CACNA1H: variants seen among roughly 807,000 people sequenced by gnomAD.
CACNA1H encodes calcium voltage-gated channel subunit alpha1 H.
Under a neutral mutation model 192.5 loss-of-function variants are expected in CACNA1H, and 149 were observed. That is an observed-to-expected ratio of 0.77 (90% CI 0.68 to 0.89). The LOEUF (loss-of-function observed/expected upper bound fraction) is 0.89. CACNA1H is among the 40% of genes least tolerant of loss of function. The probability of loss-of-function intolerance (pLI) is 0.00; values close to 1 mark genes in which losing one functional copy is unlikely to be tolerated. For synonymous variants in CACNA1H, 2,202 were observed against 1,475.2 expected, an observed-to-expected ratio of 1.49 and a Z score of -11.29; for missense variants, 4,257 against 3,423.5, an observed-to-expected ratio of 1.24 and a Z score of -6.08.
intron 34 of CACNA1H, 66 bp from the exon 35 acceptor site, chr16:1,219,915 G>A (rs549927649): frequency 6.6e-6 from 8 of 1,210,748 alleles, no homozygotes; most frequent in East Asian, 3.2e-5. Context: ...AGGGGTCTCC[G>A]AGCCCTGGCC....
chr16:1,209,205 T>A lies in CACNA1H; in HGVS notation c.3537T>A (p.Ala1179=), dbSNP rs984312613. Residue 1179 remains alanine (A), a synonymous_variant, in exon 17 of 35, where the codon GCT becomes GCA. Transcript: ENST00000348261. ...GEGKGSTDDE[A]EDGRAAPGPR... is the part of the protein sequence containing the mutation. Reference sequence around the variant, plus strand: ...GCAAGGGCAGCACCGACGACGAAGCTGAGGACGGCAGGGCCGCGCCCGGGC... The same window carrying A: ...GCAAGGGCAGCACCGACGACGAAGCAGAGGACGGCAGGGCCGCGCCCGGGC... 6.4e-7 allele frequency: 1 copy of A among 1,550,950 alleles called. No homozygotes were observed. Among genetic ancestry groups the A allele is most frequent in the Non-Finnish European group, 8.7e-7 (1 of 1,148,712 alleles).
chr16:1,219,189 G>T lies in CACNA1H; in HGVS notation c.6048+59G>T, dbSNP rs1170756676. 4.2e-6 allele frequency: 6 copies of T among 1,435,900 alleles called. No individual in the cohort carries two copies. The South Asian group carries it at 5.6e-5, about 13-fold the overall frequency. The allele number at this position is 1,435,900 out of a possible 1,614,324, so 88.9% of individuals were successfully genotyped here. A position where few individuals can be genotyped will look rare whatever the true frequency, so the allele number is the denominator to read the frequency against. On this transcript the variant is annotated intron_variant, in intron 34 of 34. Transcript: ENST00000348261. ...GCGGGGATGGGGGGCTTGCAGGGAT[G>T]CCTCGTCTCATCTGAAGGACCAGCA...
Position 1,211,799 on chromosome 16 carries a change from C to T in CACNA1H, c.4560C>T (p.Asp1520=). Residue 1520 remains aspartate (D), a synonymous_variant, in exon 24 of 35, where the codon GAC becomes GAT. Coordinates refer to ENST00000348261, the MANE Select transcript of CACNA1H (RefSeq NM_021098.3). ...MYDGLDAVGV[D]QQPVQNHNPW... ...ACGGGCTGGATGCCGTGGGTGTCGA[C>T]CAGCAGGTGCGCACAGGCGGGTCGA... 2 of 1,612,586 alleles carry T rather than the reference C, an allele frequency of 1.2e-6. No homozygotes were observed. The highest frequency in any genetic ancestry group is 1.7e-6 in the Non-Finnish European group (2 of 1,179,690).
At chr16:1,186,190 A>ATAGGGGCCGGAGGCGGGGTGTGTGCG (rs1567477003) in intron 2 of CACNA1H, among the ~76,000 whole-genome samples, 5 of 103,532 alleles carry the variant, frequency 4.8e-5, no homozygotes, top group African/African-American at 1.9e-4. Flanking sequence ...GGGTGTGTGC[A>ATAGGGGCCGGAGGCGGGGTGTGTGCG]GGGCCAGGGT....
At chr16:1,191,836 C>T (rs1966648370) in intron 2 of CACNA1H, among the ~76,000 whole-genome samples, 1 of 138,074 alleles carries the variant, frequency 7.2e-6, no homozygotes, top group African/African-American at 2.8e-5. Context: ...GCAGGCTGGC[C>T]TGGTTGTGTG....
Position 1,221,088 on chromosome 16 carries a change from T to G in CACNA1H, c.*94T>G. ...GCAGAACCCTGCATGGACCCTGACT[T>G]GGGTCCCGTCGTGAGCAGAAAGGCC... On this transcript the variant is annotated 3_prime_UTR_variant, in exon 35 of 35. Transcript: ENST00000348261. 1 of 988,264 alleles carries G rather than the reference T, an allele frequency of 1.0e-6. No individual in the cohort carries two copies. The allele number at this position is 988,264 out of a possible 1,614,324, so 61.2% of individuals were successfully genotyped here.
chr16:1,188,218 C>T (rs531390661), intron 2 of CACNA1H, among the ~76,000 whole-genome samples: 51 of 152,252 alleles, frequency 3.3e-4, no homozygotes, highest in African/African-American at 1.2e-3. Flanking sequence ...CGGGTCTGGG[C>T]GGTCCTGGGA....
chr16:1,211,325 C>G, intron 22 of CACNA1H, 31 bp downstream of exon 22: 4 of 1,612,156 alleles, frequency 2.5e-6, no homozygotes, highest in Non-Finnish European at 3.4e-6. Flanking sequence ...CGGGGGTCTG[C>G]CCCGTCGCAG....
chr16:1,215,397 A>G (rs1969932228), intron 29 of CACNA1H, 22 bp downstream of exon 29: 1 of 1,374,112 alleles, frequency 7.3e-7, no homozygotes, highest in Non-Finnish European at 9.7e-7. Flanking sequence ...CGTGCCCGCC[A>G]GGTTCTCTCT....
At chr16:1,201,469 C>T (rs960319661) in intron 8 of CACNA1H, among the ~76,000 whole-genome samples, 194 bp from the exon 9 acceptor site, 5 of 152,292 alleles carry the variant, frequency 3.3e-5, no homozygotes, top group African/African-American at 7.2e-5. Context: ...AGGCACAAAG[C>T]AGCTACTGTA....
At chr16:1,194,062 T>C (rs1170916304) in intron 2 of CACNA1H, among the ~76,000 whole-genome samples, 1 of 149,336 alleles carries the variant, frequency 6.7e-6, no homozygotes, top group African/African-American at 2.5e-5. Flanking sequence ...CTGCCAGGGG[T>C]GAGGGGGAGC....
chr16:1,217,169 C>T (rs1460537427), intron 31 of CACNA1H, among the ~76,000 whole-genome samples, 159 bp downstream of exon 31: 2 of 152,218 alleles, frequency 1.3e-5, no homozygotes, highest in African/African-American at 4.8e-5. Flanking sequence ...CTTCCGGAGC[C>T]TTTTCTGCAC....
At chr16:1,217,796 T>A (rs747499616) in intron 31 of CACNA1H, 123 bp from the exon 32 acceptor site, 2 of 1,311,196 alleles carry the variant, frequency 1.5e-6, no homozygotes, top group Non-Finnish European at 1.0e-6. Context: ...CAGGGCCTCG[T>A]CATCCACATC....
At position 1,206,276 on chromosome 16, in the gene CACNA1H, A is replaced by G. The variant is rs1217858887; in HGVS notation, c.2776A>G (p.Ile926Val). 2 of 1,558,176 alleles carry G rather than the reference A, an allele frequency of 1.3e-6. No homozygotes were observed. The highest frequency in any genetic ancestry group is 2.4e-5 in the East Asian group (1 of 41,636). The change falls in exon 12 of 35, where the codon ATT becomes GTT. Residue 926 changes from isoleucine to valine, a missense_variant. Ile to Val is a conservative substitution (Grantham distance 29, BLOSUM62 3). Coordinates refer to ENST00000348261, the MANE Select transcript of CACNA1H (RefSeq NM_021098.3). The stretch of plus-strand genomic sequence containing the variant: ...CTTCTGCACGCTGCTCATGCTCTTC[A>G]TTTTCATCTTCAGGTGGGCGCAACC... ...ATFCTLLMLF[I>V]FIFSILGMHL...
chr16:1,177,300 C>T (rs149684056), intron 2 of CACNA1H, among the ~76,000 whole-genome samples: 1,604 of 152,326 alleles, frequency 0.011, 35 homozygotes, highest in African/African-American at 0.036. Flanking sequence ...GCCCGGGCCT[C>T]AGCCCCGGCT....
At chr16:1,191,365 G>T (rs1434662563) in intron 2 of CACNA1H, among the ~76,000 whole-genome samples, 7 of 107,520 alleles carry the variant, frequency 6.5e-5, no homozygotes, top group Non-Finnish European at 1.3e-4. Context: ...CAGCAGGCTG[G>T]CCTGGCTGTG....
At chr16:1,199,971 TTGTG>T (rs1967619283) in intron 6 of CACNA1H, among the ~76,000 whole-genome samples, 1 of 149,604 alleles carries the variant, frequency 6.7e-6, no homozygotes, top group African/African-American at 2.4e-5. Context: ...TCCCTGTTCT[TTGTG>T]TGTTTGTCTC....
chr16:1,202,851 C>T (rs904213654), intron 9 of CACNA1H, among the ~76,000 whole-genome samples: 1 of 152,236 alleles, frequency 6.6e-6, no homozygotes. Flanking sequence ...GGCTGGCCCC[C>T]CTTCTAGGTG....
rs750113325 is a variant in CACNA1H, at chr16:1,215,548, G to C, written c.5199G>C (p.Thr1733=). 2 of 1,611,830 alleles carry C rather than the reference G, an allele frequency of 1.2e-6. No homozygotes were observed. The highest frequency in any genetic ancestry group is 2.2e-5 in the South Asian group (2 of 90,904). The change falls in exon 30 of 35, where the codon ACG becomes ACC. Residue 1733 remains threonine (T), a synonymous_variant. Transcript: ENST00000348261. The part of the protein sequence containing the change: ...ARVLKLLKMA[T]GMRALLDTVV... ...TGCTGAAGCTGCTGAAGATGGCTACGGGCATGCGCGCCCTGCTGGACACTG... is the reference window on the plus strand; with the variant it reads ...TGCTGAAGCTGCTGAAGATGGCTACCGGCATGCGCGCCCTGCTGGACACTG...
Sources: allele counts gnomAD v4.1 joint callset (sites outside exome capture counted in the v4.1 genomes callset), GRCh38; gene constraint gnomAD v4.1.1; transcripts MANE v1.5; gene names NCBI Gene and HGNC (gene_info 2026-07-23, HGNC 2026-07-21).